The following ACOT11 variants were observed in gnomAD, a reference collection of about 807,000 sequenced individuals.
The protein encoded by ACOT11 is acyl-coenzyme A thioesterase 11.
Under a neutral mutation model 77.5 loss-of-function variants are expected in ACOT11, and 69 were observed. That is an observed-to-expected ratio of 0.89 (90% confidence interval 0.73 to 1.09). The LOEUF (loss-of-function observed/expected upper bound fraction) is 1.09. Among genes scored for constraint, ACOT11 ranks in the 50% least tolerant of loss-of-function variants. ACOT11 has a pLI of 0.00. For synonymous variants in ACOT11, 279 were observed against 313.0 expected (o/e 0.89, Z 1.15); for missense variants, 766 against 813.7 (o/e 0.94, Z 0.71).
chr1:54,610,623 G>A, downstream of ACOT11: 4 of 1,569,138 alleles, frequency 2.5e-6, no homozygotes, highest in South Asian at 3.6e-5. Context: ...GGTTGCTAGG[G>A]TCCCATAGGC....
In ACOT11 at chr1:54,630,218, T is replaced by TA. The variant is rs1245915369; in HGVS notation, c.1630-508dup. ...CTGGCCTGTTTAATGTTTAAAGAAATAAAAAAAACAAGCCAGGTGTGGTGG... is the reference window on the plus strand; with the variant it reads ...CTGGCCTGTTTAATGTTTAAAGAAATAAAAAAAAACAAGCCAGGTGTGGTGG... On this transcript the variant is annotated intron_variant, in intron 15 of 16. Coordinates refer to the ACOT11 transcript ENST00000371316. Among the ~76,000 whole-genome samples, 6 of 88,668 alleles carry TA rather than the reference T, an allele frequency of 6.8e-5. 2 individuals carry two copies. Among genetic ancestry groups the TA allele is most frequent in the Non-Finnish European group, 1.4e-4 (5 of 36,104 alleles). The allele number at this position is 88,668 out of a possible 152,430, so 58.2% of individuals were successfully genotyped here. A position where few individuals can be genotyped will look rare whatever the true frequency, so the allele number is the denominator to read the frequency against.
At chr1:54,616,994 G>T (rs1644179681) in intron 15 of ACOT11, among the ~76,000 whole-genome samples, 1 of 152,090 alleles carries the variant, frequency 6.6e-6, no homozygotes, top group Admixed American at 6.5e-5. Flanking sequence ...GTGAGTCTCA[G>T]TGCCCAGCCC....
chr1:54,632,883 C>T (rs1160128262), intron 16 of ACOT11, among the ~76,000 whole-genome samples: 4 of 152,136 alleles, frequency 2.6e-5, no homozygotes, highest in African/African-American at 9.7e-5. Context: ...GCCCGATGGA[C>T]AACCTGGGAC....
intron 1 of ACOT11, among the ~76,000 whole-genome samples, chr1:54,567,914 G>A (rs748132270): frequency 2.0e-5 from 3 of 152,046 alleles, no homozygotes; most frequent in Admixed American, 6.6e-5. Context: ...TACAACGCAG[G>A]CCAGACCACC....
intron 1 of ACOT11, 131 bp downstream of exon 1, chr1:54,548,473 T>C: frequency 5.7e-6 from 7 of 1,227,820 alleles, no homozygotes; most frequent in Non-Finnish European, 6.8e-6. Context: ...CTAGCTCTCT[T>C]TGGAAGGAGA....
chr1:54,593,470 T>C (rs1361795853), intron 4 of ACOT11, among the ~76,000 whole-genome samples: 79 of 149,128 alleles, frequency 5.3e-4, no homozygotes, highest in Non-Finnish European at 8.0e-4. Context: ...TTTTTTTTTT[T>C]TTTTTTTTTG....
intron 3 of ACOT11, among the ~76,000 whole-genome samples, chr1:54,591,282 C>G (rs1654703824): frequency 1.3e-5 from 2 of 152,232 alleles, no homozygotes; most frequent in South Asian, 4.1e-4. Flanking sequence ...CCCATTCTCT[C>G]TCACTTGACC....
chr1:54,607,158 A>C lies in ACOT11; in HGVS notation c.1395A>C (p.Val465=). 6.2e-7 allele frequency: 1 copy of C among 1,614,176 alleles called. No homozygotes were observed. The highest frequency in any genetic ancestry group is 8.5e-7 in the Non-Finnish European group (1 of 1,180,010). The stretch of plus-strand genomic sequence containing the variant: ...GGAGCGTGGAGCTAGTGCAGCAGGT[A>C]GACGAGGACGACGCCATCTACCACG... ...HYRSVELVQQ[V]DEDDAIYHVT... Residue 465 remains valine (V), a synonymous_variant, in exon 14 of 16, where the codon GTA becomes GTC. Transcript: ENST00000343744. The surrounding 1 kb of genome is among the most constrained non-coding windows in gnomAD (Gnocchi z 4.5).
At chr1:54,623,165 A>C (rs1644247328) in intron 15 of ACOT11, 2 of 724,826 alleles carry the variant, frequency 2.8e-6, no homozygotes, top group Non-Finnish European at 4.7e-6. Context: ...CAACAAGAGC[A>C]AAACTCCGTC....
At chr1:54,620,475 G>A (rs377210159) in intron 15 of ACOT11, among the ~76,000 whole-genome samples, 1 of 152,202 alleles carries the variant, frequency 6.6e-6, no homozygotes, top group Non-Finnish European at 1.5e-5. Context: ...GGAGGCCGAG[G>A]TGGGTGGATC....
At chr1:54,579,943 C>A (rs903336528) in intron 1 of ACOT11, among the ~76,000 whole-genome samples, 1 of 152,110 alleles carries the variant, frequency 6.6e-6, no homozygotes, top group Non-Finnish European at 1.5e-5. Flanking sequence ...ATGTTTGGGT[C>A]CCTCCCAGCT....
rs1644033649 is a variant in ACOT11, at chr1:54,606,989, G to C, written c.1371-145G>C. 4 of 1,154,618 alleles carry C rather than the reference G, an allele frequency of 3.5e-6. No homozygotes were observed. The South Asian group carries it at 4.8e-5, about 14-fold the overall frequency. 71.5% of individuals were successfully genotyped at this position (1,154,618 alleles called of 1,614,324 possible). ...CTTGGCTGGGCTTTGCTGCCTTCCT[G>C]CTGGCCCTTGCTGAGCAGTACAGGG... On this transcript the variant is annotated intron_variant, in intron 13 of 15. Coordinates refer to ENST00000343744, the MANE Select transcript of ACOT11 (RefSeq NM_147161.4).
Position 54,603,941 on chromosome 1 carries a change from A to AG in ACOT11, c.1152+6dup. The AG allele has an allele frequency of 6.2e-6, 10 of 1,613,834 alleles. No homozygotes were observed. Among genetic ancestry groups the AG allele is most frequent in the Non-Finnish European group, 8.5e-6 (10 of 1,179,784 alleles). On this transcript the variant is annotated splice_donor_region_variant and intron_variant, in intron 11 of 15. Coordinates refer to ENST00000343744, the MANE Select transcript of ACOT11 (RefSeq NM_147161.4). ...CCCCTGGGACCCTAGCAACCAGGTA[A>AG]GGCTCTCTGCTCCGAGAGGACAGTC...
At chr1:54,561,344 C>T (rs1344584039) in intron 1 of ACOT11, among the ~76,000 whole-genome samples, 2 of 93,828 alleles carry the variant, frequency 2.1e-5, no homozygotes, top group Non-Finnish European at 4.1e-5. Flanking sequence ...TTTAACAAAG[C>T]ACATCTTGCA....
chr1:54,581,049 C>A (rs1218106821), intron 1 of ACOT11, among the ~76,000 whole-genome samples: 1 of 152,142 alleles, frequency 6.6e-6, no homozygotes, highest in Non-Finnish European at 1.5e-5. Context: ...GAGTCCTGAG[C>A]AGGGGAAGTG....
chr1:54,614,143 T>C (rs910673334), downstream of ACOT11, among the ~76,000 whole-genome samples: 1 of 152,188 alleles, frequency 6.6e-6, no homozygotes, highest in African/African-American at 2.4e-5. Flanking sequence ...GGCAGTGCTA[T>C]GTAAGGATGA....
chr1:54,638,152 A>G (rs1644341406), exon 17 of ACOT11: 2 of 152,008 alleles, frequency 1.3e-5, no homozygotes. Flanking sequence ...GCGGCCAGAA[A>G]AAATAGATTT....
At position 54,633,048 on chromosome 1, in the gene ACOT11, GAA is replaced by G. The variant is rs527588040; in HGVS notation, c.1783-1636_1783-1635del. ...GGGGTATGTCCCTGGTATGGGACTA[GAA>G]AAAGATTTGCAAGGTTTGAAAGAAC... On this transcript the variant is annotated intron_variant, in intron 16 of 16. Coordinates refer to the ACOT11 transcript ENST00000371316. Among the ~76,000 whole-genome samples the G allele has an allele frequency of 2.1e-4, 32 of 152,264 alleles. 1 individual carries two copies. The highest frequency in any genetic ancestry group is 7.7e-4 in the African/African-American group (32 of 41,556).
chr1:54,599,676 C>T (rs942811360), intron 8 of ACOT11: 2 of 239,408 alleles, frequency 8.4e-6, no homozygotes, highest in Non-Finnish European at 8.0e-6. Context: ...CTCCCGCTGT[C>T]TCAGATCAGT....
Sources: allele counts gnomAD v4.1 joint callset (sites outside exome capture counted in the v4.1 genomes callset), GRCh38; gene constraint gnomAD v4.1.1; non-coding constraint Gnocchi (gnomAD v3.1); transcripts MANE v1.5; gene names NCBI Gene and HGNC (gene_info 2026-07-23, HGNC 2026-07-21).